KDM4B: variants seen among roughly 807,000 people sequenced by gnomAD.
KDM4B encodes the protein lysine-specific demethylase 4B.
KDM4B carries 32 observed loss-of-function variants against 125.2 expected under a neutral mutation model. That is an observed-to-expected ratio of 0.26 (90% CI 0.19 to 0.34). The LOEUF (loss-of-function observed/expected upper bound fraction) is 0.34, where lower values mean the gene tolerates loss of function less well. Among genes scored for constraint, KDM4B ranks in the 10% least tolerant of loss-of-function variants. The pLI, the probability that KDM4B is intolerant of heterozygous loss-of-function variation, is 1.00. For missense variants in KDM4B, 1,190 were observed against 1,577.7 expected, an observed-to-expected ratio of 0.75 and a Z score of 4.16; for synonymous variants, 721 against 677.9, an observed-to-expected ratio of 1.06 and a Z score of -0.99.
intron 6 of KDM4B, among the ~76,000 whole-genome samples, chr19:5,056,304 G>A (rs541816974): frequency 3.9e-5 from 6 of 152,304 alleles, no homozygotes; most frequent in African/African-American, 1.4e-4. Context: ...CACCCGGCTT[G>A]GGTGTGGATG....
At chr19:5,125,865 T>G (rs976538409) in intron 11 of KDM4B, among the ~76,000 whole-genome samples, 3 of 151,716 alleles carry the variant, frequency 2.0e-5, no homozygotes, top group Non-Finnish European at 4.4e-5. Flanking sequence ...GGCGTTTTCT[T>G]GGACACAGCC....
intron 21 of KDM4B, 70 bp downstream of exon 21, chr19:5,144,972 A>G (rs1301175841): frequency 6.3e-7 from 1 of 1,596,562 alleles, no homozygotes; most frequent in South Asian, 1.1e-5. Flanking sequence ...GGACAGGAGG[A>G]TCACACCCCT....
intron 21 of KDM4B, among the ~76,000 whole-genome samples, chr19:5,147,055 G>A (rs149812881): frequency 4.0e-5 from 6 of 151,222 alleles, no homozygotes; most frequent in Middle Eastern, 3.4e-3. Context: ...CGCCTGCCCC[G>A]GGAGCCTCAG....
chr19:5,002,522 T>C (rs902389334), intron 1 of KDM4B, among the ~76,000 whole-genome samples: 17 of 151,930 alleles, frequency 1.1e-4, no homozygotes, highest in Non-Finnish European at 1.3e-4. Context: ...TTCTTTTTCT[T>C]TATTCTCTTT....
chr19:5,006,449 C>T (rs925501271), intron 1 of KDM4B, among the ~76,000 whole-genome samples: 2 of 152,148 alleles, frequency 1.3e-5, no homozygotes, highest in East Asian at 3.9e-4. Context: ...GGTTTTATCT[C>T]CCTGGCAACT....
At chr19:5,132,189 G>A (rs898827995) in intron 13 of KDM4B, among the ~76,000 whole-genome samples, 182 bp downstream of exon 13, 3 of 152,292 alleles carry the variant, frequency 2.0e-5, no homozygotes, top group Admixed American at 6.5e-5. Flanking sequence ...GTGGTCGTGC[G>A]GGGAGGCAGC....
chr19:5,074,785 C>G (rs1310683894), intron 7 of KDM4B: 7 of 152,386 alleles, frequency 4.6e-5, no homozygotes, highest in African/African-American at 1.2e-4. Flanking sequence ...TGCTGGTGCT[C>G]TCGCACACAG....
chr19:5,120,402 TGTG>T (rs1213036097), intron 11 of KDM4B, among the ~76,000 whole-genome samples: 4 of 152,246 alleles, frequency 2.6e-5, no homozygotes, highest in African/African-American at 9.6e-5. Context: ...CACAGCCACT[TGTG>T]GGCAGAGGGC....
intron 22 of KDM4B, among the ~76,000 whole-genome samples, chr19:5,151,126 C>T (rs2146126281): frequency 6.6e-6 from 1 of 152,348 alleles, no homozygotes; most frequent in Non-Finnish European, 1.5e-5. Context: ...GCCCACCCCA[C>T]TAGGGGGCCA....
intron 21 of KDM4B, 140 bp from the exon 22 acceptor site, chr19:5,150,218 C>T (rs2039921832): frequency 1.6e-6 from 1 of 621,530 alleles, no homozygotes; most frequent in South Asian, 1.9e-5. Context: ...TGGACATGAG[C>T]TTCAGCTTGG....
intron 1 of KDM4B, among the ~76,000 whole-genome samples, chr19:4,989,987 C>T (rs1482109510): frequency 6.6e-6 from 1 of 152,050 alleles, no homozygotes; most frequent in Non-Finnish European, 1.5e-5. Flanking sequence ...TTGTTAATTT[C>T]CTTTAGAAAC....
At chr19:5,061,870 A>C (rs1001908467) in intron 6 of KDM4B, among the ~76,000 whole-genome samples, 24 of 152,204 alleles carry the variant, frequency 1.6e-4, no homozygotes, top group African/African-American at 5.5e-4. Context: ...ACAACAACAA[A>C]AAAAAACAGA....
chr19:5,034,657 C>A (rs1412632755), intron 3 of KDM4B, among the ~76,000 whole-genome samples: 1 of 152,240 alleles, frequency 6.6e-6, no homozygotes, highest in Admixed American at 6.5e-5. Flanking sequence ...GCCGCCTCCA[C>A]CCTGCCCCTC....
chr19:5,119,344 C>G lies in KDM4B; in HGVS notation c.1116-309C>G, dbSNP rs982513599. The G allele has an allele frequency of 4.3e-6, 3 of 699,290 alleles. No homozygotes were observed. The African/African-American group carries it at 5.4e-5, about 12-fold the overall frequency. 43.3% of individuals were successfully genotyped at this position (699,290 alleles called of 1,614,324 possible). On this transcript the variant is annotated intron_variant, in intron 10 of 22. Transcript: ENST00000159111. The stretch of plus-strand genomic sequence containing the variant: ...GCGGCTCCTGCCGCCCCGTCCCGCC[C>G]GTCATCCCACCTGGTGTCAGTCGGC...
At chr19:4,996,926 C>T (rs747795854) in intron 1 of KDM4B, among the ~76,000 whole-genome samples, 1 of 152,184 alleles carries the variant, frequency 6.6e-6, no homozygotes, top group Admixed American at 6.5e-5. Flanking sequence ...TGGCCTCCAC[C>T]CACTGCATGC....
At chr19:5,134,717 G>T (rs2039618045) in intron 14 of KDM4B, among the ~76,000 whole-genome samples, 2 of 152,236 alleles carry the variant, frequency 1.3e-5, no homozygotes, top group South Asian at 4.1e-4. Flanking sequence ...CAGCAGAGCT[G>T]CCCTGGGTTG....
intron 10 of KDM4B, among the ~76,000 whole-genome samples, chr19:5,116,732 G>T (rs1036676790): frequency 1.3e-5 from 2 of 152,228 alleles, no homozygotes; most frequent in Non-Finnish European, 2.9e-5. Context: ...ACCCCAGGGT[G>T]GGGGCAGGGA....
intron 1 of KDM4B, among the ~76,000 whole-genome samples, chr19:5,001,526 C>T (rs752864843): frequency 1.3e-5 from 2 of 152,146 alleles, no homozygotes; most frequent in Non-Finnish European, 2.9e-5. Flanking sequence ...CTTACGGTGG[C>T]GAACTGTGCT....
chr19:5,112,041 C>G, intron 10 of KDM4B: 2 of 546,702 alleles, frequency 3.7e-6, no homozygotes, highest in Non-Finnish European at 6.6e-6. Flanking sequence ...TTGCTTGAGT[C>G]CAGGGGTTTG....
Sources: allele counts gnomAD v4.1 joint callset (sites outside exome capture counted in the v4.1 genomes callset), GRCh38; gene constraint gnomAD v4.1.1; transcripts MANE v1.5; gene names NCBI Gene and HGNC (gene_info 2026-07-23, HGNC 2026-07-21).